The following PCDHA6 variants were observed in gnomAD, a reference collection of about 807,000 sequenced individuals.
PCDHA6 encodes protocadherin alpha-6.
A neutral mutation model predicts 60.3 loss-of-function variants in PCDHA6; 55 were observed. The ratio of observed to expected loss-of-function variants is 0.91; its 90% CI spans 0.73 to 1.14. The LOEUF is 1.14. Among genes scored for constraint, PCDHA6 ranks in the 50% most tolerant of loss-of-function variants. The pLI, the probability that PCDHA6 is intolerant of heterozygous loss-of-function variation, is 0.00. For missense variants in PCDHA6, 1,327 were observed against 1,256.5 expected, an observed-to-expected ratio of 1.06 and a Z score of -0.85; for synonymous variants, 652 against 557.9, an observed-to-expected ratio of 1.17 and a Z score of -2.38.
chr5:140,966,645 C>T (rs369620766), intron 1 of PCDHA6: 7 of 1,125,658 alleles, frequency 6.2e-6, no homozygotes, highest in Non-Finnish European at 8.2e-6. Flanking sequence ...CTTTCTAGAG[C>T]GTGAGCGGTG....
intron 1 of PCDHA6, chr5:140,851,881 T>C: frequency 1.0e-6 from 1 of 977,870 alleles, no homozygotes; most frequent in Non-Finnish European, 1.2e-6. Context: ...GGCAGAAATC[T>C]GGATATGAGA....
intron 1 of PCDHA6, chr5:140,834,303 G>T (rs2150215099): frequency 7.6e-7 from 1 of 1,308,316 alleles, no homozygotes; most frequent in Admixed American, 2.2e-5. Context: ...CACACATCGA[G>T]ATTGAAATGA....
rs782398517 is a variant in PCDHA6, at chr5:140,857,600, G to A, written c.2394+27115G>A. The A allele has an allele frequency of 5.0e-6, 8 of 1,596,228 alleles. No homozygotes were observed. In the African/African-American group the frequency reaches 9.4e-5, roughly 19 times the overall value. ...GCACGCGGAGAGCGGCAAGGTGTAC[G>A]CGCTGCAGCCGCTGGACCACGAGGA... is the stretch of plus-strand genomic sequence containing the variant. On this transcript the variant is annotated intron_variant, in intron 1 of 3. Transcript: ENST00000529310.
chr5:140,960,588 T>A (rs2095557494), intron 1 of PCDHA6, among the ~76,000 whole-genome samples: 1 of 152,166 alleles, frequency 6.6e-6, no homozygotes, highest in African/African-American at 2.4e-5. Flanking sequence ...ACAGTTCAAA[T>A]TCAAGGTACT....
chr5:140,976,556 T>G (rs2096722872), intron 1 of PCDHA6, among the ~76,000 whole-genome samples: 1 of 151,920 alleles, frequency 6.6e-6, no homozygotes, highest in African/African-American at 2.4e-5. Flanking sequence ...ATCTCATAAA[T>G]AAATAAATAA....
chr5:140,898,528 TG>T (rs2066807286), intron 1 of PCDHA6, among the ~76,000 whole-genome samples: 1 of 152,236 alleles, frequency 6.6e-6, no homozygotes, highest in African/African-American at 2.4e-5. Flanking sequence ...CTGAGGGCTC[TG>T]TTCTGTTCCA....
intron 1 of PCDHA6, among the ~76,000 whole-genome samples, chr5:140,935,657 T>C (rs2090486652): frequency 1.3e-5 from 2 of 152,176 alleles, no homozygotes; most frequent in Non-Finnish European, 2.9e-5. Flanking sequence ...TTTAATTTTC[T>C]TTTATAATTA....
rs1245659020 is a variant in PCDHA6 at position 140,829,463 on chromosome 5, C to G, written c.1372C>G (p.Pro458Ala). ...TGACAATGCTCCGGCGTTCGCGCAG[C>G]CCGAGTACACAGTGTTCGTGAAGGA... ...MNDNAPAFAQPEYTVFVKENN... is the reference protein window; with the variant it reads ...MNDNAPAFAQAEYTVFVKENN... Residue 458 changes from proline (P) to alanine (A), a missense_variant, in exon 1 of 4, where the codon CCC (proline) becomes GCC (alanine). Pro to Ala is a conservative substitution (Grantham distance 27). Coordinates refer to ENST00000529310, the MANE Select transcript of PCDHA6 (RefSeq NM_018909.4). 1 of 1,613,756 alleles carries G rather than the reference C, an allele frequency of 6.2e-7. No individual in the cohort carries two copies. The highest frequency in any genetic ancestry group is 8.5e-7 in the Non-Finnish European group (1 of 1,180,048).
At chr5:140,877,388 A>G (rs1186041410) in intron 1 of PCDHA6, 14 of 1,613,802 alleles carry the variant, frequency 8.7e-6, no homozygotes, top group Non-Finnish European at 1.2e-5. Flanking sequence ...ATCCTGGATG[A>G]GGCGGACGCT....
At chr5:140,880,010 A>G (rs958851507) in intron 1 of PCDHA6, among the ~76,000 whole-genome samples, 1 of 152,232 alleles carries the variant, frequency 6.6e-6, no homozygotes, top group African/African-American at 2.4e-5. Flanking sequence ...TATTCACCAT[A>G]TAAAGTAAAA....
chr5:140,850,920 A>G (rs2150502262), intron 1 of PCDHA6: 1 of 1,526,818 alleles, frequency 6.5e-7, no homozygotes, highest in Non-Finnish European at 8.8e-7. Flanking sequence ...ATTTATTTAT[A>G]TAATTTTTTT....
intron 1 of PCDHA6, among the ~76,000 whole-genome samples, chr5:140,838,347 A>G (rs2150288220): frequency 2.7e-5 from 4 of 150,406 alleles, no homozygotes; most frequent in Non-Finnish European, 4.4e-5. Context: ...TGGTCTCGAA[A>G]TCTGGGACTC....
At chr5:140,838,892 G>A (rs2150293495) in intron 1 of PCDHA6, among the ~76,000 whole-genome samples, 5 of 151,826 alleles carry the variant, frequency 3.3e-5, no homozygotes, top group Non-Finnish European at 5.9e-5. Context: ...TCCAGCCTAG[G>A]TGACAGAGCA....
At position 140,928,087 on chromosome 5, in the gene PCDHA6, A is replaced by T. The variant is rs1554205462; in HGVS notation, c.2395-50862A>T. On this transcript the variant is annotated intron_variant, in intron 1 of 3. Coordinates refer to ENST00000529310, the MANE Select transcript of PCDHA6 (RefSeq NM_018909.4). The stretch of plus-strand genomic sequence containing the variant: ...CTTTGACAACTACTACAGCCTGCTG[A>T]TTGATGGGCCCCTGGACCGGGAGCA... 3.1e-6 allele frequency: 5 copies of T among 1,614,022 alleles called. No individual in the cohort carries two copies. In the African/African-American group the frequency reaches 5.3e-5, roughly 17 times the overall value.
At chr5:140,842,458 A>G (rs1777969478) in intron 1 of PCDHA6, 4 of 1,613,788 alleles carry the variant, frequency 2.5e-6, no homozygotes, top group Non-Finnish European at 3.4e-6. Flanking sequence ...ACCTCGATTC[A>G]GGTGCCAACG....
chr5:140,948,525 A>G (rs187765359), intron 1 of PCDHA6, among the ~76,000 whole-genome samples: 2 of 151,708 alleles, frequency 1.3e-5, no homozygotes, highest in Admixed American at 1.3e-4. Flanking sequence ...AACACTATTT[A>G]TATTTTATTT....
chr5:140,975,516 G>T (rs1310855349), intron 1 of PCDHA6, among the ~76,000 whole-genome samples: 1 of 152,166 alleles, frequency 6.6e-6, no homozygotes, highest in Non-Finnish European at 1.5e-5. Flanking sequence ...TGCAAAATCT[G>T]CAGTGGATAT....
intron 1 of PCDHA6, among the ~76,000 whole-genome samples, chr5:140,947,863 G>A (rs1438094304): frequency 6.6e-6 from 1 of 151,230 alleles, no homozygotes; most frequent in Non-Finnish European, 1.5e-5. Flanking sequence ...CATTATAATG[G>A]CTAGGACTTC....
chr5:140,877,401 G>A, intron 1 of PCDHA6: 1 of 1,613,944 alleles, frequency 6.2e-7, no homozygotes. Context: ...CGGACGCTCC[G>A]CGCCACCGCC....
Sources: allele counts gnomAD v4.1 joint callset (sites outside exome capture counted in the v4.1 genomes callset), GRCh38; gene constraint gnomAD v4.1.1; transcripts MANE v1.5; gene names NCBI Gene and HGNC (gene_info 2026-07-23, HGNC 2026-07-21).